THOC1: variants seen among roughly 807,000 people sequenced by gnomAD.
THOC1 encodes THO complex 1.
In THOC1, 29 loss-of-function variants were observed where a neutral mutation model predicts 97.3. The ratio of observed to expected loss-of-function variants is 0.30; its 90% confidence interval spans 0.22 to 0.41. The LOEUF is 0.41. Among genes scored for constraint, THOC1 ranks in the 10% least tolerant of loss-of-function variants. THOC1 has a pLI of 1.00. For missense variants in THOC1, 529 were observed against 761.9 expected (o/e 0.69, Z 3.60); for synonymous variants, 255 against 257.0 (o/e 0.99, Z 0.07).
At chr18:219,804 A>G (rs1449632317) in intron 17 of THOC1, among the ~76,000 whole-genome samples, 1 of 152,160 alleles carries the variant, frequency 6.6e-6, no homozygotes, top group Admixed American at 6.6e-5. Context: ...CTATCCACGA[A>G]TTATTTTTTC....
chr18:260,490 T>G, intron 4 of THOC1, 186 bp from the exon 5 acceptor site: 1 of 434,730 alleles, frequency 2.3e-6, no homozygotes, highest in Non-Finnish European at 4.1e-6. Flanking sequence ...ATTTTTGATA[T>G]GTGCACTCAG....
At chr18:236,526 T>C (rs1222941813) in intron 11 of THOC1, among the ~76,000 whole-genome samples, 2 of 151,398 alleles carry the variant, frequency 1.3e-5, no homozygotes, top group Non-Finnish European at 2.9e-5. Context: ...CCGGCTAATT[T>C]TTTTTTTTTT....
intron 11 of THOC1, 34 bp from the exon 12 acceptor site, chr18:226,935 A>G: frequency 6.6e-7 from 1 of 1,504,902 alleles, no homozygotes; most frequent in Non-Finnish European, 9.1e-7. Flanking sequence ...ATACGAAAAC[A>G]ACACATTAAA....
At chr18:247,713 C>T in intron 10 of THOC1, 136 bp downstream of exon 10, 1 of 596,388 alleles carries the variant, frequency 1.7e-6, no homozygotes, top group Non-Finnish European at 2.9e-6. Context: ...TTTATAATTT[C>T]ACTTGTTATG....
At chr18:240,761 G>C (rs1251836015) in intron 11 of THOC1, among the ~76,000 whole-genome samples, 2 of 152,112 alleles carry the variant, frequency 1.3e-5, no homozygotes, top group African/African-American at 4.8e-5. Context: ...TACATTTATT[G>C]TGTACTTCAT....
At chr18:260,400 CTT>C (rs1912567494) in intron 4 of THOC1, 96 bp from the exon 5 acceptor site, 1 of 792,790 alleles carries the variant, frequency 1.3e-6, no homozygotes, top group Non-Finnish European at 1.8e-6. Flanking sequence ...AAAAGGTACA[CTT>C]TGTTACTCAT....
At chr18:250,036 A>G (rs949029644) in intron 9 of THOC1, among the ~76,000 whole-genome samples, 5 of 152,170 alleles carry the variant, frequency 3.3e-5, no homozygotes, top group African/African-American at 9.6e-5. Context: ...ACCAATCACA[A>G]TATTATTCCA....
At chr18:230,115 C>T (rs545921098) in intron 11 of THOC1, among the ~76,000 whole-genome samples, 1 of 152,318 alleles carries the variant, frequency 6.6e-6, no homozygotes, top group South Asian at 2.1e-4. Context: ...AGTAAAACAT[C>T]AATTTCCTCC....
At chr18:246,673 T>A (rs551995915) in intron 10 of THOC1, among the ~76,000 whole-genome samples, 2 of 152,136 alleles carry the variant, frequency 1.3e-5, no homozygotes, top group African/African-American at 4.8e-5. Context: ...AGCTCCCTAC[T>A]CCTAAAGAAA....
chr18:255,777 G>A (rs1912418318), intron 7 of THOC1, among the ~76,000 whole-genome samples: 2 of 152,182 alleles, frequency 1.3e-5, no homozygotes, highest in African/African-American at 4.8e-5. Context: ...TTGCCTTCAA[G>A]GGACAGGCTG....
intron 4 of THOC1, 74 bp downstream of exon 4, chr18:263,952 G>A (rs1348496092): frequency 1.8e-6 from 2 of 1,142,838 alleles, no homozygotes; most frequent in African/African-American, 3.1e-5. Context: ...GAGAAGTATG[G>A]GGAGAAGACG....
At chr18:246,483 C>T (rs185428478) in intron 10 of THOC1, 28 bp from the exon 11 acceptor site, 569 of 1,551,664 alleles carry the variant, frequency 3.7e-4, no homozygotes, top group Admixed American at 6.9e-4. Flanking sequence ...TAGTTTTATT[C>T]GACATTGTTA....
At chr18:222,824 T>C (rs1042612950) in intron 17 of THOC1, among the ~76,000 whole-genome samples, 7 of 152,220 alleles carry the variant, frequency 4.6e-5, no homozygotes, top group South Asian at 2.1e-4. Flanking sequence ...TACAGAGATA[T>C]GGATTTATTT....
intron 16 of THOC1, 38 bp downstream of exon 16, chr18:224,043 AAAT>A: frequency 2.2e-6 from 3 of 1,340,146 alleles, no homozygotes; most frequent in Non-Finnish European, 3.1e-6. Context: ...CAAAATATAA[AAAT>A]AACTAAGAAC....
chr18:239,801 C>T (rs553726487), intron 11 of THOC1, among the ~76,000 whole-genome samples: 1 of 152,178 alleles, frequency 6.6e-6, no homozygotes, highest in Admixed American at 6.5e-5. Context: ...ATACTGAAAA[C>T]TAATAAACAC....
chr18:246,418 T>C lies in THOC1; in HGVS notation c.824A>G (p.Lys275Arg), dbSNP rs1487448966. The C allele has an allele frequency of 2.5e-6, 4 of 1,586,320 alleles. No individual in the cohort carries two copies. The highest frequency in any genetic ancestry group is 1.4e-5 in the African/African-American group (1 of 73,992). ...EEVLAVFKSY[K>R]LDDTQASRKK... is the part of the protein sequence containing the mutation. ...TCTTGAGGCCTGAGTATCATCTAAT[T>C]TATAACTCTTAAAAACAGCTAAAAC... The change falls in exon 11 of 21, where the codon AAA (lysine) becomes AGA (arginine). Residue 275 changes from lysine to arginine, a missense_variant. By Grantham distance (26) the Lys-to-Arg change is conservative (BLOSUM62 2). Transcript: ENST00000261600.
At chr18:238,089 C>T (rs917298702) in intron 11 of THOC1, among the ~76,000 whole-genome samples, 1 of 152,116 alleles carries the variant, frequency 6.6e-6, no homozygotes, top group Non-Finnish European at 1.5e-5. Flanking sequence ...GGTTCTCAAA[C>T]TCCTGACCTC....
At chr18:243,494 C>T (rs184595454) in intron 11 of THOC1, among the ~76,000 whole-genome samples, 12 of 152,012 alleles carry the variant, frequency 7.9e-5, no homozygotes, top group Admixed American at 6.5e-4. Flanking sequence ...GCCAAGACCA[C>T]GCCATTGCAC....
At chr18:236,930 G>A (rs531972788) in intron 11 of THOC1, among the ~76,000 whole-genome samples, 1 of 151,748 alleles carries the variant, frequency 6.6e-6, no homozygotes, top group South Asian at 2.1e-4. Context: ...TCCTGTGACT[G>A]TTAGGCTTTT....
Sources: allele counts gnomAD v4.1 joint callset (sites outside exome capture counted in the v4.1 genomes callset), GRCh38; gene constraint gnomAD v4.1.1; transcripts MANE v1.5; gene names NCBI Gene and HGNC (gene_info 2026-07-23, HGNC 2026-07-21).